Variants in REPS2 observed in about 807,000 individuals in gnomAD.
REPS2 encodes the protein RALBP1 associated Eps domain containing 2.
In REPS2, 23 loss-of-function variants were observed where a neutral mutation model predicts 53.6. The ratio of observed to expected loss-of-function variants is 0.43; its 90% CI spans 0.31 to 0.61. The LOEUF (loss-of-function observed/expected upper bound fraction) is 0.61, where lower values mean the gene tolerates loss of function less well. Among genes scored for constraint, REPS2 ranks in the 20% least tolerant of loss-of-function variants. The probability of loss-of-function intolerance (pLI) is 0.11; values close to 1 mark genes in which losing one functional copy is unlikely to be tolerated. For missense variants in REPS2, 446 were observed against 534.9 expected, an observed-to-expected ratio of 0.83 and a Z score of 1.64; for synonymous variants, 238 against 218.6, an observed-to-expected ratio of 1.09 and a Z score of -0.78.
chrX:17,004,690 G>A (rs986041658), intron 1 of REPS2, among the ~76,000 whole-genome samples: 2 of 111,506 alleles, frequency 1.8e-5, no homozygotes, highest in Non-Finnish European at 3.8e-5. Context: ...TAAGGTATTA[G>A]TCTTCAAGTA....
At chrX:17,057,855 C>T (rs773807304) in intron 8 of REPS2, among the ~76,000 whole-genome samples, 2 of 112,769 alleles carry the variant, frequency 1.8e-5, no homozygotes, top group Non-Finnish European at 3.7e-5. Context: ...AGCCCCTTTT[C>T]TTGGGATTGG....
intron 13 of REPS2, among the ~76,000 whole-genome samples, chrX:17,089,593 T>C (rs748656367): frequency 1.8e-5 from 2 of 111,986 alleles, no homozygotes; most frequent in Non-Finnish European, 1.9e-5. Context: ...TCTGCAGATT[T>C]TCCTTTTCTG....
At chrX:17,085,767 C>T (rs2062525693) in intron 13 of REPS2, among the ~76,000 whole-genome samples, 1 of 111,381 alleles carries the variant, frequency 9.0e-6, no homozygotes, top group Non-Finnish European at 1.9e-5. Flanking sequence ...TTGAGAACCT[C>T]CACCCCCATA....
At chrX:17,100,229 C>T (rs191275496) in intron 13 of REPS2, 186 of 582,240 alleles carry the variant, frequency 3.2e-4, no homozygotes, top group South Asian at 5.5e-4. Context: ...CTTTACCAAT[C>T]GACGGTAGAG....
chrX:17,102,956 A>G (rs2062828021), intron 13 of REPS2, among the ~76,000 whole-genome samples: 2 of 112,348 alleles, frequency 1.8e-5, no homozygotes, highest in Non-Finnish European at 3.7e-5. Context: ...GTGTGTTATT[A>G]TGAACTTTAT....
At chrX:17,134,544 T>C (rs745374103) in intron 15 of REPS2, among the ~76,000 whole-genome samples, 2 of 112,222 alleles carry the variant, frequency 1.8e-5, no homozygotes, top group Non-Finnish European at 3.8e-5. Flanking sequence ...TTCTTGACTT[T>C]ATGTAGGAAT....
chrX:17,011,822 T>C lies in REPS2; in HGVS notation c.397+5478T>C, dbSNP rs113335115. On this transcript the variant is annotated intron_variant, in intron 2 of 17. Transcript: ENST00000357277. ...ACTAAAAATACAAAAATTAGCCGGG[T>C]GTAGTGGCACATGCCTGTAATCCCT... is the stretch of plus-strand genomic sequence containing the variant. 5.0e-3 allele frequency among the ~76,000 whole-genome samples: 546 copies of C among 108,952 alleles called. 3 individuals are homozygous for C. The highest frequency in any genetic ancestry group is 0.018 in the African/African-American group (523 of 29,866). 94.6% of individuals were successfully genotyped at this position (108,952 alleles called of 115,157 possible). A position where few individuals can be genotyped will look rare whatever the true frequency, so the allele number is the denominator to read the frequency against.
chrX:17,046,555 T>C (rs1314603862), intron 5 of REPS2, among the ~76,000 whole-genome samples: 2 of 111,930 alleles, frequency 1.8e-5, no homozygotes. Flanking sequence ...TTAGGGTTCA[T>C]GGGAGGGATA....
At chrX:17,001,855 G>A (rs747936535) in intron 1 of REPS2, among the ~76,000 whole-genome samples, 3 of 111,448 alleles carry the variant, frequency 2.7e-5, no homozygotes, top group Non-Finnish European at 5.7e-5. Context: ...AGGCAGAAAC[G>A]CCTGATAAAC....
rs1034423502 is a variant in REPS2 at position 17,152,973 on chromosome X, G to A, written c.*5492G>A. 8.9e-6 allele frequency: 1 copy of A among 112,680 alleles called. No individual in the cohort carries two copies. Among genetic ancestry groups the A allele is most frequent in the African/African-American group, 3.2e-5 (1 of 30,997 alleles). 9.3% of individuals were successfully genotyped at this position (112,680 alleles called of 1,213,427 possible). ...ACATTGAACAGTAAAAAGTGTAACA[G>A]CAAAGTATATATTTGATGCCTTCTG... On this transcript the variant is annotated 3_prime_UTR_variant, in exon 18 of 18. Coordinates refer to ENST00000357277, the MANE Select transcript of REPS2 (RefSeq NM_004726.3).
At chrX:16,977,885 G>C (rs2060975505) in intron 1 of REPS2, among the ~76,000 whole-genome samples, 1 of 111,127 alleles carries the variant, frequency 9.0e-6, no homozygotes, top group Admixed American at 9.6e-5. Context: ...TTCTGCTCCA[G>C]ATGGCATTGG....
the REPS2 span, among the ~76,000 whole-genome samples, chrX:17,180,628 A>T: frequency 1.0e-4 from 11 of 110,474 alleles, no homozygotes; most frequent in South Asian, 3.9e-4. Context: ...TCTCTCTCAC[A>T]CACACACACA....
chrX:17,101,025 C>G (rs922204642), intron 13 of REPS2, among the ~76,000 whole-genome samples: 7 of 109,200 alleles, frequency 6.4e-5, no homozygotes, highest in Admixed American at 4.9e-4. Flanking sequence ...CCTATGCCAA[C>G]TCTTGTTTTT....
chrX:16,968,699 AC>A (rs775012318), intron 1 of REPS2, among the ~76,000 whole-genome samples: 568 of 32,895 alleles, frequency 0.017, 2 homozygotes, highest in Non-Finnish European at 0.024. Flanking sequence ...CGGGGGGCTG[AC>A]CCCCCCCACC....
intron 14 of REPS2, among the ~76,000 whole-genome samples, chrX:17,126,324 A>G (rs1171889121): frequency 1.8e-5 from 2 of 111,260 alleles, no homozygotes; most frequent in Non-Finnish European, 3.8e-5. Context: ...GGATCTGCCA[A>G]CCACAGTGGA....
chrX:17,100,661 C>T (rs1421919777), intron 13 of REPS2, among the ~76,000 whole-genome samples: 1 of 112,481 alleles, frequency 8.9e-6, no homozygotes, highest in African/African-American at 3.2e-5. Context: ...CAAGAGAAGA[C>T]AAGAATGCCC....
intron 15 of REPS2, among the ~76,000 whole-genome samples, chrX:17,134,868 C>T (rs939054651): frequency 9.1e-6 from 1 of 110,418 alleles, no homozygotes; most frequent in African/African-American, 3.3e-5. Context: ...GTGATCCGAC[C>T]GTCTCGGCCT....
chrX:17,035,945 G>A (rs887333993), intron 5 of REPS2, among the ~76,000 whole-genome samples: 2 of 111,557 alleles, frequency 1.8e-5, no homozygotes, highest in Non-Finnish European at 3.8e-5. Context: ...CTTTATTAAC[G>A]TTCTATAGCA....
intron 5 of REPS2, among the ~76,000 whole-genome samples, chrX:17,031,692 C>T (rs1042728858): frequency 2.7e-5 from 3 of 111,232 alleles, no homozygotes; most frequent in Non-Finnish European, 5.7e-5. Flanking sequence ...AGGGGCTGAT[C>T]AAAGAAGGCT....
Sources: allele counts gnomAD v4.1 joint callset (sites outside exome capture counted in the v4.1 genomes callset), GRCh38; gene constraint gnomAD v4.1.1; transcripts MANE v1.5; gene names NCBI Gene and HGNC (gene_info 2026-07-23, HGNC 2026-07-21).